LAMA2: variants seen among roughly 807,000 people sequenced by gnomAD.
The protein encoded by LAMA2 is laminin subunit alpha 2, also known as laminin subunit alpha-2.
In LAMA2, 269 loss-of-function variants were observed where a neutral mutation model predicts 364.8. The observed-to-expected ratio is 0.74, with a 90% CI of 0.67 to 0.82. The LOEUF (loss-of-function observed/expected upper bound fraction) is 0.82, where lower values mean the gene tolerates loss of function less well. Among genes scored for constraint, LAMA2 ranks in the 40% least tolerant of loss-of-function variants. The probability of loss-of-function intolerance (pLI) is 0.00; values close to 1 mark genes in which losing one functional copy is unlikely to be tolerated. For synonymous variants in LAMA2, 1,379 were observed against 1,370.6 expected, an observed-to-expected ratio of 1.01 and a Z score of -0.14; for missense variants, 3,807 against 3,873.2, an observed-to-expected ratio of 0.98 and a Z score of 0.45.
At chr6:128,925,709 C>T (rs909949916) in intron 1 of LAMA2, among the ~76,000 whole-genome samples, 1 of 152,124 alleles carries the variant, frequency 6.6e-6, no homozygotes, top group Non-Finnish European at 1.5e-5. Context: ...AAGTAACATC[C>T]TCACTCCCAG....
At position 128,920,158 on chromosome 6, in the gene LAMA2, CTTTTCTTTTTTTTT is replaced by C. The variant is rs1198183922; in HGVS notation, c.112+36806_112+36819del. Among the ~76,000 whole-genome samples the C allele has an allele frequency of 6.6e-5, 10 of 150,594 alleles. No individual in the cohort carries two copies. In the East Asian group the frequency reaches 1.9e-3, roughly 29 times the overall value. On this transcript the variant is annotated intron_variant, in intron 1 of 64. Transcript: ENST00000421865. ...CATACCAATTTTCATGCTCATTTTT[CTTTTCTTTTTTTTT>C]TTTTTGACGGAGTCCTGCTCTGTCA...
chr6:128,983,965 T>C (rs1051461067), intron 1 of LAMA2, among the ~76,000 whole-genome samples: 1 of 152,140 alleles, frequency 6.6e-6, no homozygotes, highest in African/African-American at 2.4e-5. Flanking sequence ...ATTTATTTAG[T>C]GTGCACCAGT....
intron 45 of LAMA2, among the ~76,000 whole-genome samples, 174 bp downstream of exon 45, chr6:129,445,995 T>C (rs1229030983): frequency 6.6e-6 from 1 of 152,172 alleles, no homozygotes; most frequent in Non-Finnish European, 1.5e-5. Context: ...TTTGTTTTGT[T>C]TGTAAATTTC....
chr6:128,914,549 A>C (rs914364856), intron 1 of LAMA2, among the ~76,000 whole-genome samples: 5 of 152,180 alleles, frequency 3.3e-5, no homozygotes, highest in Non-Finnish European at 5.9e-5. Context: ...ACCATGTCTA[A>C]TTTTAAAATA....
At chr6:129,433,120 G>A (rs905105083) in intron 41 of LAMA2, among the ~76,000 whole-genome samples, 1 of 152,116 alleles carries the variant, frequency 6.6e-6, no homozygotes, top group Non-Finnish European at 1.5e-5. Context: ...CAGCTACTAG[G>A]GAAAGGGAAG....
At chr6:129,293,753 T>C (rs1231080492) in intron 20 of LAMA2, among the ~76,000 whole-genome samples, 1 of 151,880 alleles carries the variant, frequency 6.6e-6, no homozygotes, top group Non-Finnish European at 1.5e-5. Context: ...TCAGGACCTG[T>C]AGAGAATTGA....
intron 40 of LAMA2, among the ~76,000 whole-genome samples, chr6:129,413,854 G>A (rs1780658276): frequency 1.3e-5 from 2 of 152,160 alleles, no homozygotes; most frequent in South Asian, 4.1e-4. Context: ...TGCTCAAGAT[G>A]TTTAAAAAAG....
intron 12 of LAMA2, among the ~76,000 whole-genome samples, chr6:129,206,399 T>C (rs1782680484): frequency 6.6e-6 from 1 of 152,228 alleles, no homozygotes. Flanking sequence ...GGAATAGACT[T>C]GATTTTTATT....
rs75481792 is a variant in LAMA2 at position 129,251,399 on chromosome 6, G to C, written c.1885-685G>C. Among the ~76,000 whole-genome samples, 84 of 152,060 alleles carry C rather than the reference G, an allele frequency of 5.5e-4. 1 individual carries two copies. The East Asian group carries it at 0.016, about 28-fold the overall frequency. On this transcript the variant is annotated intron_variant, in intron 13 of 64. Coordinates refer to ENST00000421865, the MANE Select transcript of LAMA2 (RefSeq NM_000426.4). ...TCTACACAACCCACATCCATCTACA[G>C]TTTGAAATATGTAACTTTCGTGCAC...
chr6:129,183,522 C>T (rs1301758130), intron 10 of LAMA2, among the ~76,000 whole-genome samples: 1 of 151,908 alleles, frequency 6.6e-6, no homozygotes, highest in Non-Finnish European at 1.5e-5. Flanking sequence ...GCTTACCTCT[C>T]CAGAATGTTC....
chr6:128,997,816 C>T (rs1390999037), intron 1 of LAMA2, among the ~76,000 whole-genome samples: 2 of 151,956 alleles, frequency 1.3e-5, no homozygotes, highest in Non-Finnish European at 2.9e-5. Context: ...AAAGTTTATA[C>T]CTGTAATGAG....
At chr6:128,962,205 T>G (rs1448578588) in intron 1 of LAMA2, among the ~76,000 whole-genome samples, 1 of 120,202 alleles carries the variant, frequency 8.3e-6, no homozygotes, top group Non-Finnish European at 1.7e-5. Context: ...CACACACACA[T>G]ACACATATTT....
chr6:129,371,119 A>G (rs1255540214), intron 34 of LAMA2, among the ~76,000 whole-genome samples: 1 of 152,188 alleles, frequency 6.6e-6, no homozygotes, highest in Non-Finnish European at 1.5e-5. Context: ...AGAATTTTCT[A>G]ACAGGTCATG....
At chr6:129,463,021 T>C (rs1372899417) in intron 49 of LAMA2, among the ~76,000 whole-genome samples, 2 of 152,024 alleles carry the variant, frequency 1.3e-5, no homozygotes, top group Non-Finnish European at 2.9e-5. Context: ...GTATCTTATT[T>C]TTCTCATGCT....
At chr6:129,365,515 A>T (rs1046215304) in intron 32 of LAMA2, among the ~76,000 whole-genome samples, 16 of 152,036 alleles carry the variant, frequency 1.1e-4, no homozygotes, top group South Asian at 2.1e-4. Context: ...GGGGCCCGCC[A>T]CCACGCCTGG....
intron 1 of LAMA2, among the ~76,000 whole-genome samples, chr6:128,986,075 C>A (rs532720201): frequency 6.6e-6 from 1 of 152,156 alleles, no homozygotes; most frequent in South Asian, 2.1e-4. Context: ...AACCAGTTTG[C>A]TTTTTGTATC....
At chr6:129,061,418 A>G (rs1047453709) in intron 3 of LAMA2, among the ~76,000 whole-genome samples, 3 of 152,220 alleles carry the variant, frequency 2.0e-5, no homozygotes, top group Admixed American at 6.5e-5. Flanking sequence ...TGAGCTGAAC[A>G]GCAATATTAT....
At chr6:129,188,087 C>T (rs1266026268) in intron 10 of LAMA2, among the ~76,000 whole-genome samples, 3 of 151,692 alleles carry the variant, frequency 2.0e-5, no homozygotes, top group Non-Finnish European at 4.4e-5. Flanking sequence ...TCTATGTTCC[C>T]GTAATTATTT....
At chr6:129,073,922 G>C (rs765095979) in intron 3 of LAMA2, among the ~76,000 whole-genome samples, 1 of 152,048 alleles carries the variant, frequency 6.6e-6, no homozygotes, top group South Asian at 2.1e-4. Flanking sequence ...GTCTGAAAAT[G>C]TATAAAAATT....
Sources: gnomAD v4.1 joint callset for allele counts (sites outside exome capture counted in the v4.1 genomes callset) on GRCh38, gnomAD v4.1.1 for gene constraint, MANE v1.5 for transcripts, NCBI Gene and HGNC (gene_info 2026-07-23, HGNC 2026-07-21) for gene names.